PLCB1: variants seen among roughly 807,000 people sequenced by gnomAD.
PLCB1 encodes the protein phospholipase C beta 1.
In PLCB1, 46 loss-of-function variants were observed where a neutral mutation model predicts 161.8. That is an observed-to-expected ratio of 0.28 (90% CI 0.22 to 0.36). The LOEUF (loss-of-function observed/expected upper bound fraction) is 0.36, where lower values mean the gene tolerates loss of function less well. Among genes scored for constraint, PLCB1 ranks in the 10% least tolerant of loss-of-function variants. The pLI is 1.00. For missense variants in PLCB1, 1,016 were observed against 1,472.5 expected, an observed-to-expected ratio of 0.69 and a Z score of 5.07; for synonymous variants, 517 against 503.7, an observed-to-expected ratio of 1.03 and a Z score of -0.35.
At chr20:8,377,109 C>T (rs1480331144) in intron 3 of PLCB1, among the ~76,000 whole-genome samples, 1 of 152,022 alleles carries the variant, frequency 6.6e-6, no homozygotes, top group Non-Finnish European at 1.5e-5. Context: ...TCCAGCACCT[C>T]ATGGGGTAGG....
chr20:8,544,244 C>A (rs1377067070), intron 3 of PLCB1, among the ~76,000 whole-genome samples: 2 of 152,174 alleles, frequency 1.3e-5, no homozygotes, highest in Non-Finnish European at 2.9e-5. Context: ...AACCAAATTT[C>A]TCTCTAAGCC....
At chr20:8,178,089 G>A (rs1438113707) in intron 2 of PLCB1, among the ~76,000 whole-genome samples, 1 of 152,056 alleles carries the variant, frequency 6.6e-6, no homozygotes, top group Non-Finnish European at 1.5e-5. Context: ...TCTTTATCCA[G>A]GCTACTGTTG....
intron 1 of PLCB1, among the ~76,000 whole-genome samples, chr20:8,143,116 C>T (rs2051420495): frequency 6.6e-6 from 1 of 152,186 alleles, no homozygotes; most frequent in East Asian, 1.9e-4. Flanking sequence ...AAAATCCCAA[C>T]CTCAAAACCA....
Position 8,458,319 on chromosome 20 carries a change from A to G in PLCB1, c.246+86869A>G, listed in dbSNP as rs116470562. ...TATTGTCTGGCCATTGTCCGTTTGT[A>G]TATTTCATCTCTCATGATCAATCAA... On this transcript the variant is annotated intron_variant, in intron 3 of 31. Coordinates refer to ENST00000338037, the MANE Select transcript of PLCB1 (RefSeq NM_015192.4). 8.8e-3 allele frequency among the ~76,000 whole-genome samples: 1,335 copies of G among 152,302 alleles called. 22 individuals are homozygous for G. Among genetic ancestry groups the G allele is most frequent in the African/African-American group, 0.03 (1,259 of 41,550 alleles).
intron 4 of PLCB1, among the ~76,000 whole-genome samples, chr20:8,629,396 A>G (rs1487211228): frequency 1.3e-5 from 2 of 152,234 alleles, no homozygotes; most frequent in East Asian, 1.9e-4. Context: ...AACAGGTATA[A>G]TGTAGCAAAC....
intron 3 of PLCB1, among the ~76,000 whole-genome samples, chr20:8,620,669 G>T (rs533780451): frequency 6.7e-6 from 1 of 149,648 alleles, no homozygotes; most frequent in South Asian, 2.1e-4. Flanking sequence ...AGCCCAGGAG[G>T]TAGAGGCTGC....
intron 31 of PLCB1, among the ~76,000 whole-genome samples, chr20:8,841,935 G>A (rs1039158948): frequency 1.3e-5 from 2 of 152,198 alleles, no homozygotes; most frequent in South Asian, 2.1e-4. Context: ...TATGTGATGT[G>A]TTCTCTGTTT....
chr20:8,530,089 G>A (rs1984742949), intron 3 of PLCB1, among the ~76,000 whole-genome samples: 1 of 152,094 alleles, frequency 6.6e-6, no homozygotes, highest in Non-Finnish European at 1.5e-5. Context: ...AAATGTGAAT[G>A]TTCTGGACTA....
chr20:8,795,011 A>G (rs1037143517), intron 31 of PLCB1, among the ~76,000 whole-genome samples: 9 of 152,198 alleles, frequency 5.9e-5, no homozygotes, highest in Non-Finnish European at 1.0e-4. Context: ...CAACATTTTT[A>G]CCATCCTGCA....
intron 3 of PLCB1, among the ~76,000 whole-genome samples, chr20:8,464,844 C>T (rs915460011): frequency 6.9e-6 from 1 of 145,410 alleles, no homozygotes; most frequent in East Asian, 2.0e-4. Context: ...CAGCTCCCTG[C>T]CCCACATCCA....
intron 2 of PLCB1, among the ~76,000 whole-genome samples, chr20:8,204,286 C>T (rs1254679947): frequency 6.6e-6 from 1 of 152,092 alleles, no homozygotes; most frequent in East Asian, 1.9e-4. Flanking sequence ...GGCTTTTCCT[C>T]TCTGGAGAAA....
intron 3 of PLCB1, among the ~76,000 whole-genome samples, chr20:8,385,786 G>A (rs1211795355): frequency 6.6e-6 from 1 of 152,224 alleles, no homozygotes; most frequent in Non-Finnish European, 1.5e-5. Flanking sequence ...GTGGCTCTCA[G>A]GTGGACCACC....
intron 3 of PLCB1, among the ~76,000 whole-genome samples, chr20:8,514,300 C>T (rs1235081691): frequency 1.3e-5 from 2 of 151,822 alleles, no homozygotes; most frequent in African/African-American, 2.4e-5. Context: ...ATTAGCCAGG[C>T]GTGGTGGCGT....
chr20:8,517,064 A>G (rs1438328421), intron 3 of PLCB1, among the ~76,000 whole-genome samples: 1 of 152,080 alleles, frequency 6.6e-6, no homozygotes, highest in Non-Finnish European at 1.5e-5. Context: ...ATCAGAAAAA[A>G]TTCACCACAA....
chr20:8,269,893 C>T (rs1451623828), intron 2 of PLCB1, among the ~76,000 whole-genome samples: 1 of 150,112 alleles, frequency 6.7e-6, no homozygotes, highest in Non-Finnish European at 1.5e-5. Flanking sequence ...AGATCTTTTC[C>T]TTTAAAAAAA....
intron 3 of PLCB1, among the ~76,000 whole-genome samples, chr20:8,449,568 T>C (rs1330996104): frequency 4.6e-5 from 7 of 152,232 alleles, no homozygotes; most frequent in African/African-American, 1.7e-4. Context: ...ATGATGGGGA[T>C]GGTTTCCGGG....
chr20:8,876,202 AAC>A (rs1428328775), intron 31 of PLCB1, among the ~76,000 whole-genome samples: 1 of 152,232 alleles, frequency 6.6e-6, no homozygotes, highest in East Asian at 1.9e-4. Flanking sequence ...AAACTCTGAC[AAC>A]ACTCTTCTTT....
intron 3 of PLCB1, among the ~76,000 whole-genome samples, chr20:8,527,805 C>T (rs1357932796): frequency 1.3e-5 from 2 of 151,940 alleles, no homozygotes; most frequent in East Asian, 3.8e-4. Flanking sequence ...GGCTTAGCAA[C>T]AATTTTTTTA....
At chr20:8,210,522 C>T (rs117553831) in intron 2 of PLCB1, among the ~76,000 whole-genome samples, 6,063 of 152,166 alleles carry the variant, frequency 0.04, 169 homozygotes, top group Middle Eastern at 0.13. Context: ...TTTACTTTCT[C>T]AATTTGGGGC....
Sources: gnomAD v4.1 joint callset for allele counts (sites outside exome capture counted in the v4.1 genomes callset) on GRCh38, gnomAD v4.1.1 for gene constraint, MANE v1.5 for transcripts, NCBI Gene and HGNC (gene_info 2026-07-23, HGNC 2026-07-21) for gene names.